Variants in ELMO1 observed in about 807,000 individuals in gnomAD.
ELMO1 encodes the protein engulfment and cell motility 1, also known as engulfment and cell motility protein 1.
Under a neutral mutation model 98.9 loss-of-function variants are expected in ELMO1, and 26 were observed. That is an observed-to-expected ratio of 0.26 (90% CI 0.19 to 0.36). The LOEUF (loss-of-function observed/expected upper bound fraction) is 0.36. ELMO1 is among the 10% of genes least tolerant of loss of function. The pLI is 1.00. For missense variants in ELMO1, 627 were observed against 935.2 expected (o/e 0.67, Z 4.30); for synonymous variants, 346 against 346.0 (o/e 1.00, Z 0.00).
At chr7:37,383,167 T>A (rs1802647484) in intron 1 of ELMO1, among the ~76,000 whole-genome samples, 1 of 152,232 alleles carries the variant, frequency 6.6e-6, no homozygotes, top group Non-Finnish European at 1.5e-5. Context: ...TCCTTTATTA[T>A]AAAAGAAAAA....
chr7:37,411,740 T>C (rs1179704889), intron 1 of ELMO1, among the ~76,000 whole-genome samples: 4 of 152,172 alleles, frequency 2.6e-5, no homozygotes, highest in Non-Finnish European at 5.9e-5. Flanking sequence ...ATAAACTTTT[T>C]CCGTTATTCT....
chr7:37,127,292 T>C (rs1786593672), intron 14 of ELMO1, among the ~76,000 whole-genome samples: 1 of 152,212 alleles, frequency 6.6e-6, no homozygotes, highest in Non-Finnish European at 1.5e-5. Context: ...GATCTTTAAC[T>C]GAATATGACG....
chr7:37,027,366 C>G (rs1034322102), intron 15 of ELMO1, among the ~76,000 whole-genome samples: 1 of 152,158 alleles, frequency 6.6e-6, no homozygotes. Context: ...ACCACCTGCC[C>G]CATTTACAGG....
intron 4 of ELMO1, among the ~76,000 whole-genome samples, chr7:37,280,183 C>T (rs1357009911): frequency 1.3e-5 from 2 of 152,218 alleles, no homozygotes; most frequent in African/African-American, 4.8e-5. Context: ...TCATTTCTCA[C>T]CTTTTACAAA....
intron 13 of ELMO1, among the ~76,000 whole-genome samples, chr7:37,145,593 G>A (rs1423826294): frequency 6.6e-6 from 1 of 152,226 alleles, no homozygotes; most frequent in Non-Finnish European, 1.5e-5. Flanking sequence ...ACTGGCACTA[G>A]CCTGAATGAT....
intron 1 of ELMO1, among the ~76,000 whole-genome samples, chr7:37,448,125 A>C (rs1583784967): frequency 1.4e-5 from 2 of 144,594 alleles, no homozygotes; most frequent in African/African-American, 5.2e-5. Flanking sequence ...CTGGCCCATC[A>C]CCGCCCCCTC....
chr7:37,164,689 TG>T lies in ELMO1; in HGVS notation c.1087-31456del, dbSNP rs574087111. Among the ~76,000 whole-genome samples the T allele has an allele frequency of 6.6e-3, 997 of 150,850 alleles. 7 individuals are homozygous for T. The highest frequency in any genetic ancestry group is 0.01 in the Non-Finnish European group (680 of 67,116). On this transcript the variant is annotated intron_variant, in intron 13 of 21. Transcript: ENST00000310758. ...TTCTGAGGGCTCTGTTCTGTTCCAT[TG>T]ATCTATATCTCTGTTTTGGTACCAG...
At chr7:37,396,588 CT>C (rs1371438430) in intron 1 of ELMO1, among the ~76,000 whole-genome samples, 1 of 152,156 alleles carries the variant, frequency 6.6e-6, no homozygotes, top group African/African-American at 2.4e-5. Flanking sequence ...CACAGGAATC[CT>C]TTGCATCACT....
At chr7:37,010,995 A>G (rs1208555013) in intron 16 of ELMO1, among the ~76,000 whole-genome samples, 1 of 152,054 alleles carries the variant, frequency 6.6e-6, no homozygotes, top group African/African-American at 2.4e-5. Flanking sequence ...TGAGGCAGGA[A>G]CCTCTGGCCC....
chr7:37,182,394 A>G (rs927579400), intron 13 of ELMO1, among the ~76,000 whole-genome samples: 21 of 151,968 alleles, frequency 1.4e-4, no homozygotes, highest in Admixed American at 5.2e-4. Context: ...AACAGCTCTC[A>G]GCACATATAA....
chr7:37,385,586 T>C lies in ELMO1; in HGVS notation c.-73-42823A>G, dbSNP rs146918045. 3.2e-4 allele frequency among the ~76,000 whole-genome samples: 49 copies of C among 152,374 alleles called. 1 individual carries two copies. Among genetic ancestry groups the C allele is most frequent in the African/African-American group, 1.1e-3 (45 of 41,590 alleles). On this transcript the variant is annotated intron_variant, in intron 1 of 21. Coordinates refer to ENST00000310758, the MANE Select transcript of ELMO1 (RefSeq NM_014800.11). ...TGGCACTTCTCAGGGTCTGAAATCATCTCAGACATTTGTTTACTTGTTTAT... is the reference window on the plus strand; with the variant it reads ...TGGCACTTCTCAGGGTCTGAAATCACCTCAGACATTTGTTTACTTGTTTAT...
chr7:36,923,875 A>G (rs116790937), intron 16 of ELMO1, among the ~76,000 whole-genome samples: 34 of 152,338 alleles, frequency 2.2e-4, no homozygotes, highest in African/African-American at 7.9e-4. Context: ...CATTCCAGGC[A>G]AAGCTGTGGA....
At chr7:37,125,778 C>G (rs1786466936) in intron 14 of ELMO1, among the ~76,000 whole-genome samples, 1 of 152,244 alleles carries the variant, frequency 6.6e-6, no homozygotes, top group East Asian at 1.9e-4. Context: ...ACCATTTGAC[C>G]CAGCCATCCC....
chr7:37,216,787 G>GT (rs1793309065), intron 10 of ELMO1, 92 bp from the exon 11 acceptor site: 2 of 1,302,670 alleles, frequency 1.5e-6, no homozygotes, highest in Admixed American at 1.7e-5. Context: ...GGTGTGCTTC[G>GT]TAACTGTATA....
At chr7:37,223,697 G>A (rs1196180305) in intron 9 of ELMO1, among the ~76,000 whole-genome samples, 1 of 152,156 alleles carries the variant, frequency 6.6e-6, no homozygotes, top group Non-Finnish European at 1.5e-5. Flanking sequence ...CTTATTTCTA[G>A]AGAAGCTACC....
chr7:37,024,643 T>C (rs1794464591), intron 15 of ELMO1, among the ~76,000 whole-genome samples: 1 of 152,200 alleles, frequency 6.6e-6, no homozygotes, highest in Non-Finnish European at 1.5e-5. Flanking sequence ...TTCATGTCCC[T>C]GAGACTCTTC....
chr7:37,314,079 A>G (rs150952144), intron 4 of ELMO1, among the ~76,000 whole-genome samples: 5 of 152,338 alleles, frequency 3.3e-5, no homozygotes, highest in Admixed American at 6.5e-5. Context: ...AAGAAGCACA[A>G]AAGTCTAAAC....
chr7:37,373,765 T>C (rs924394684), intron 1 of ELMO1, among the ~76,000 whole-genome samples: 4 of 152,174 alleles, frequency 2.6e-5, no homozygotes, highest in African/African-American at 7.2e-5. Context: ...CAACTACCAA[T>C]GGAAGCTCAA....
At chr7:36,945,635 G>C (rs1787414506) in intron 16 of ELMO1, among the ~76,000 whole-genome samples, 1 of 152,180 alleles carries the variant, frequency 6.6e-6, no homozygotes, top group Non-Finnish European at 1.5e-5. Context: ...CCTGGATGGG[G>C]TTAAATCGGG....
Sources: gnomAD v4.1 joint callset for allele counts (sites outside exome capture counted in the v4.1 genomes callset) on GRCh38, gnomAD v4.1.1 for gene constraint, MANE v1.5 for transcripts, NCBI Gene and HGNC (gene_info 2026-07-23, HGNC 2026-07-21) for gene names.